The following SMYD3 variants were observed in gnomAD, a reference collection of about 807,000 sequenced individuals.
SMYD3 encodes histone-lysine N-methyltransferase SMYD3.
In SMYD3, 36 loss-of-function variants were observed where a neutral mutation model predicts 57.7. The observed-to-expected ratio is 0.62, with a 90% CI of 0.48 to 0.82. SMYD3 has a LOEUF of 0.82. Among genes scored for constraint, SMYD3 ranks in the 40% least tolerant of loss-of-function variants. The pLI is 0.00. For missense variants in SMYD3, 515 were observed against 538.8 expected, an observed-to-expected ratio of 0.96 and a Z score of 0.44; for synonymous variants, 211 against 195.0, an observed-to-expected ratio of 1.08 and a Z score of -0.68.
intron 5 of SMYD3, among the ~76,000 whole-genome samples, chr1:246,129,715 G>A (rs548013403): frequency 1.7e-4 from 26 of 151,202 alleles, no homozygotes; most frequent in African/African-American, 4.2e-4. Context: ...GAGAGGACTC[G>A]TCTGTTCACG....
intron 10 of SMYD3, among the ~76,000 whole-genome samples, chr1:245,791,549 A>G (rs1200127240): frequency 7.0e-6 from 1 of 143,080 alleles, no homozygotes; most frequent in Admixed American, 7.4e-5. Flanking sequence ...ACAGATTATC[A>G]TTTTCTGTAA....
chr1:246,241,370 T>C (rs1226503980), intron 5 of SMYD3, among the ~76,000 whole-genome samples: 1 of 152,202 alleles, frequency 6.6e-6, no homozygotes, highest in Non-Finnish European at 1.5e-5. Context: ...TTGCCTTTGG[T>C]TCTGTTTATA....
intron 8 of SMYD3, among the ~76,000 whole-genome samples, chr1:245,896,388 T>TAAA (rs747389280): frequency 1.5e-4 from 1 of 6,670 alleles, no homozygotes; most frequent in South Asian, 5.2e-3. Flanking sequence ...CTTTGCCAAG[T>TAAA]CAAAAAAAAA....
intron 5 of SMYD3, among the ~76,000 whole-genome samples, chr1:246,068,504 G>A (rs12742623): frequency 0.071 from 10,821 of 152,194 alleles, 439 homozygotes; most frequent in African/African-American, 0.091. Flanking sequence ...TGGATGCAGA[G>A]CTCAGGAGGG....
chr1:245,966,463 C>T (rs2058152132), intron 5 of SMYD3, among the ~76,000 whole-genome samples: 1 of 152,172 alleles, frequency 6.6e-6, no homozygotes, highest in African/African-American at 2.4e-5. Context: ...ATCACGATGC[C>T]AGACCCAATT....
At position 245,969,319 on chromosome 1, in the gene SMYD3, TCTA is replaced by T. The variant is rs540998931; in HGVS notation, c.532-39385_532-39383del. On this transcript the variant is annotated intron_variant, in intron 5 of 11. Transcript: ENST00000490107. ...TCAGCAACAATACAACTGCACAACT[TCTA>T]CTAACAATAATGACATGGACACTGT... 4.1e-3 allele frequency among the ~76,000 whole-genome samples: 618 copies of T among 152,292 alleles called. 4 individuals carry two copies. Among genetic ancestry groups the T allele is most frequent in the African/African-American group, 0.014 (596 of 41,558 alleles).
At chr1:246,148,087 G>C (rs895832826) in intron 5 of SMYD3, among the ~76,000 whole-genome samples, 1 of 152,146 alleles carries the variant, frequency 6.6e-6, no homozygotes, top group East Asian at 1.9e-4. Context: ...CTTCAGACCA[G>C]GGAGGGCCTG....
chr1:246,146,639 A>C (rs2061847461), intron 5 of SMYD3, among the ~76,000 whole-genome samples: 1 of 152,114 alleles, frequency 6.6e-6, no homozygotes, highest in African/African-American at 2.4e-5. Context: ...AATAAACTAG[A>C]AGTGAAGCGG....
At chr1:246,135,546 C>G (rs555813444) in intron 5 of SMYD3, among the ~76,000 whole-genome samples, 3 of 151,930 alleles carry the variant, frequency 2.0e-5, no homozygotes, top group Non-Finnish European at 4.4e-5. Flanking sequence ...AGGCAAAGAA[C>G]ATAAATTTGC....
chr1:246,301,882 A>C (rs2064896924), intron 5 of SMYD3, among the ~76,000 whole-genome samples: 1 of 152,168 alleles, frequency 6.6e-6, no homozygotes, highest in South Asian at 2.1e-4. Context: ...AGTTTAAGAG[A>C]GGGACAGAAA....
chr1:245,817,320 C>A (rs74879700), intron 10 of SMYD3, among the ~76,000 whole-genome samples: 12,435 of 132,644 alleles, frequency 0.094, 999 homozygotes, highest in Middle Eastern at 0.14. Flanking sequence ...ATTCCAACAG[C>A]CCTGCAGCTG....
chr1:246,506,976 C>T (rs2068551128), intron 1 of SMYD3, 78 bp downstream of exon 1: 4 of 1,216,574 alleles, frequency 3.3e-6, no homozygotes, highest in Non-Finnish European at 4.4e-6. Flanking sequence ...CCCGCGGCTG[C>T]CGGCCGCCCG....
chr1:246,067,807 A>T (rs1325759042), intron 5 of SMYD3, among the ~76,000 whole-genome samples: 1 of 152,144 alleles, frequency 6.6e-6, no homozygotes, highest in Non-Finnish European at 1.5e-5. Flanking sequence ...TAGAAAGTGG[A>T]GCTTTTACAG....
At chr1:246,470,985 T>C (rs1040563201) in intron 1 of SMYD3, among the ~76,000 whole-genome samples, 1 of 152,084 alleles carries the variant, frequency 6.6e-6, no homozygotes, top group Non-Finnish European at 1.5e-5. Flanking sequence ...TATTTATGTA[T>C]GTGTGTTGTG....
At chr1:246,251,537 CCGCGGACA>C (rs2063800733) in intron 5 of SMYD3, among the ~76,000 whole-genome samples, 2 of 92,612 alleles carry the variant, frequency 2.2e-5, no homozygotes, top group Admixed American at 1.2e-4. Context: ...TTAGTAGGTG[CCGCGGACA>C]CTGTGCCCGG....
intron 2 of SMYD3, among the ~76,000 whole-genome samples, chr1:246,352,829 A>G (rs2065852732): frequency 6.6e-6 from 1 of 152,216 alleles, no homozygotes; most frequent in Non-Finnish European, 1.5e-5. Context: ...AAATAGTCAC[A>G]AAACAGGGGA....
At chr1:245,940,590 A>AAAAC (rs1192285472) in intron 5 of SMYD3, among the ~76,000 whole-genome samples, 73 of 116,158 alleles carry the variant, frequency 6.3e-4, no homozygotes, top group Non-Finnish European at 9.1e-4. Context: ...CAAAACAAAA[A>AAAAC]AAAACAGAAA....
rs1166670404 is a variant in SMYD3, at chr1:246,371,031, AG to A, written c.165-15938del. 2.0e-5 allele frequency among the ~76,000 whole-genome samples: 3 copies of A among 152,356 alleles called. No homozygotes were observed. In the South Asian group the frequency reaches 6.2e-4, roughly 32 times the overall value. ...GCATTTGTAGAAATGAAATTTGAAA[AG>A]ACTATTAAATATTCAATAATATTAA... On this transcript the variant is annotated intron_variant, in intron 1 of 11. Transcript: ENST00000490107.
chr1:245,888,937 T>G (rs2053232437), intron 8 of SMYD3, among the ~76,000 whole-genome samples: 1 of 152,220 alleles, frequency 6.6e-6, no homozygotes, highest in African/African-American at 2.4e-5. Flanking sequence ...CTGCATTACA[T>G]ACTCCCTGTA....
Sources: gnomAD v4.1 joint callset for allele counts (sites outside exome capture counted in the v4.1 genomes callset) on GRCh38, gnomAD v4.1.1 for gene constraint, MANE v1.5 for transcripts, NCBI Gene and HGNC (gene_info 2026-07-23, HGNC 2026-07-21) for gene names.